Variants in SYBU observed in about 807,000 individuals in gnomAD.
SYBU encodes the protein syntabulin, also known as GOLSYN A protein.
In SYBU, 21 loss-of-function variants were observed where a neutral mutation model predicts 35.9. The ratio of observed to expected loss-of-function variants is 0.58; its 90% CI spans 0.41 to 0.84. The LOEUF is 0.84. Among genes scored for constraint, SYBU ranks in the 40% least tolerant of loss-of-function variants. SYBU has a pLI of 0.00. For missense variants in SYBU, 768 were observed against 848.2 expected (o/e 0.91, Z 1.17); for synonymous variants, 319 against 324.3 (o/e 0.98, Z 0.18).
upstream of SYBU, among the ~76,000 whole-genome samples, chr8:109,682,035 T>C (rs1817410928): frequency 6.6e-6 from 1 of 152,206 alleles, no homozygotes; most frequent in South Asian, 2.1e-4. Flanking sequence ...TCCCAAGCCA[T>C]CCAAAACTGT....
chr8:109,625,104 C>T (rs76235973), intron 2 of SYBU, among the ~76,000 whole-genome samples: 1,624 of 151,600 alleles, frequency 0.011, 26 homozygotes, highest in African/African-American at 0.038. Flanking sequence ...ATGAAAAGGG[C>T]ACTGTGATTA....
At chr8:109,638,880 TA>T (rs143556659) in intron 2 of SYBU, among the ~76,000 whole-genome samples, 89 of 152,000 alleles carry the variant, frequency 5.9e-4, no homozygotes, top group African/African-American at 1.8e-3. Context: ...AAGAAGCGAT[TA>T]AAAAAAACAA....
chr8:109,644,130 G>C, intron 1 of SYBU: 1 of 457,976 alleles, frequency 2.2e-6, no homozygotes, highest in Non-Finnish European at 4.4e-6. Flanking sequence ...TCAGCAATGG[G>C]GAACTTCGGA....
chr8:109,632,204 C>T (rs1165333123), intron 2 of SYBU, among the ~76,000 whole-genome samples: 1 of 152,170 alleles, frequency 6.6e-6, no homozygotes, highest in African/African-American at 2.4e-5. Flanking sequence ...CGCCCGCCAC[C>T]ATGCCTGGTT....
At chr8:109,638,041 C>G (rs1358697535) in intron 2 of SYBU, among the ~76,000 whole-genome samples, 1 of 152,184 alleles carries the variant, frequency 6.6e-6, no homozygotes, top group Non-Finnish European at 1.5e-5. Context: ...GCCTGTGTAT[C>G]TGTGTGTGCA....
chr8:109,687,550 C>T (rs1817548668), intron 1 of SYBU, among the ~76,000 whole-genome samples: 1 of 152,102 alleles, frequency 6.6e-6, no homozygotes, highest in Non-Finnish European at 1.5e-5. Context: ...CTGTAAAACA[C>T]TGATTGATGA....
chr8:109,610,984 A>G (rs994925339), intron 3 of SYBU, among the ~76,000 whole-genome samples: 8 of 152,198 alleles, frequency 5.3e-5, no homozygotes, highest in African/African-American at 1.9e-4. Flanking sequence ...TCTTCAATAA[A>G]TGCTCCTCAA....
At position 109,691,182 on chromosome 8, in the gene SYBU, G is replaced by T. The variant is rs111327423; in HGVS notation, c.-58+151C>A. On this transcript the variant is annotated intron_variant, in intron 1 of 7. Coordinates refer to the SYBU transcript ENST00000422135. The surrounding 1 kb of genome is among the most constrained non-coding windows in gnomAD (Gnocchi z 4.7). ...TTTCCACGACCTTCTTCTGTGCATC[G>T]CCGAGCACCCTGGATACCTCCCGCA... is the stretch of plus-strand genomic sequence containing the variant. 3.6e-4 allele frequency: 203 copies of T among 570,974 alleles called. No individual in the cohort carries two copies. Among genetic ancestry groups the T allele is most frequent in the African/African-American group, 3.5e-3 (178 of 51,114 alleles). 35.4% of individuals were successfully genotyped at this position (570,974 alleles called of 1,614,324 possible).
chr8:109,657,032 C>T (rs372689877), intron 1 of SYBU, among the ~76,000 whole-genome samples: 1 of 152,030 alleles, frequency 6.6e-6, no homozygotes, highest in African/African-American at 2.4e-5. Flanking sequence ...TTTATTAATA[C>T]AGGACAAGAT....
rs762186378 is a variant in SYBU, at chr8:109,575,394, G to A, written c.1504C>T (p.Leu502Phe). Residue 502 changes from leucine (L) to phenylalanine (F), a missense_variant, in exon 7 of 7, where the codon CTC becomes TTC. Leu to Phe is a conservative substitution (Grantham distance 22). Coordinates refer to ENST00000276646, the MANE Select transcript of SYBU (RefSeq NM_001099754.2). Reference protein sequence around the residue: ...VVPYSPAISELIQSVLQKLQD... With the variant: ...VVPYSPAISEFIQSVLQKLQD... ...AGCTTCTGCAGCACACTCTGAATGA[G>A]CTCTGAGATGGCTGGGCTGTAGGGC... is the stretch of plus-strand genomic sequence containing the variant. 2 of 1,614,118 alleles carry A rather than the reference G, an allele frequency of 1.2e-6. No individual in the cohort carries two copies. Among genetic ancestry groups the A allele is most frequent in the Admixed American group, 1.7e-5 (1 of 60,022 alleles).
chr8:109,620,511 C>T (rs573997730), intron 2 of SYBU, among the ~76,000 whole-genome samples: 1 of 152,088 alleles, frequency 6.6e-6, no homozygotes. Flanking sequence ...TTTTCAATTA[C>T]AAAATATCTC....
intron 1 of SYBU, among the ~76,000 whole-genome samples, chr8:109,666,512 G>T (rs1330708642): frequency 2.0e-5 from 3 of 152,150 alleles, no homozygotes; most frequent in African/African-American, 7.2e-5. Context: ...AGGCCAAGGC[G>T]GGAGGATCAC....
chr8:109,691,284 G>GGCCTC lies in SYBU; in HGVS notation c.-58+48_-58+49insGAGGC, dbSNP rs1817638649. 1 of 696,548 alleles carries GGCCTC rather than the reference G, an allele frequency of 1.4e-6. No homozygotes were observed. The highest frequency in any genetic ancestry group is 1.8e-5 in the African/African-American group (1 of 56,384). 43.1% of individuals were successfully genotyped at this position (696,548 alleles called of 1,614,324 possible). A position where few individuals can be genotyped will look rare whatever the true frequency, so the allele number is the denominator to read the frequency against. On this transcript the variant is annotated intron_variant, in intron 1 of 7. Coordinates refer to the SYBU transcript ENST00000422135. This position sits in a 1 kb window ranked among gnomAD's most constrained non-coding sequence, Gnocchi z 4.7. ...ACCGAAGACCATCAGTTGCCCTCCC[G>GGCCTC]TGTCCGCGGGCACTGACAGCAGAGA...
At chr8:109,619,293 A>C (rs1812174312) in intron 2 of SYBU, among the ~76,000 whole-genome samples, 1 of 150,864 alleles carries the variant, frequency 6.6e-6, no homozygotes, top group African/African-American at 2.4e-5. Flanking sequence ...GCGTGATCTC[A>C]GTTCATTGCA....
chr8:109,589,254 A>C (rs547483500), intron 3 of SYBU, among the ~76,000 whole-genome samples: 1 of 150,524 alleles, frequency 6.6e-6, no homozygotes, highest in African/African-American at 2.4e-5. Flanking sequence ...CTCCTAACCC[A>C]TATTAGGTGG....
At position 109,618,871 on chromosome 8, in the gene SYBU, T is replaced by A; in HGVS notation, c.398A>T (p.Lys133Met). Residue 133 changes from lysine to methionine, a missense_variant, in exon 3 of 7, where the codon AAG (lysine) becomes ATG (methionine). Lys to Met is a moderately conservative substitution (Grantham distance 95, BLOSUM62 -1). Transcript: ENST00000276646. ...TTTCACAAGGCCTGACTTTGATTCC[T>A]TCTTATATCGAGAGGACTGAATGCT... ...EGSIQSSRYKKESKSGLVKPG... is the reference protein window; with the variant it reads ...EGSIQSSRYKMESKSGLVKPG... 1 of 1,614,220 alleles carries A rather than the reference T, an allele frequency of 6.2e-7. No individual in the cohort carries two copies. The highest frequency in any genetic ancestry group is 8.5e-7 in the Non-Finnish European group (1 of 1,180,020).
intron 1 of SYBU, among the ~76,000 whole-genome samples, chr8:109,688,291 A>C (rs188826818): frequency 6.6e-6 from 1 of 152,362 alleles, no homozygotes; most frequent in East Asian, 1.9e-4. Context: ...CAGAGATGAT[A>C]AAAATTGTGA....
Position 109,611,958 on chromosome 8 carries a change from A to G in SYBU, c.427+6884T>C, listed in dbSNP as rs1811217578. On this transcript the variant is annotated intron_variant, in intron 3 of 6. Transcript: ENST00000276646. ...AGTAGGAATTTTTAGGGCTCTACCAACATTTTAAAAAATTGTGTTTTATAT... is the reference window on the plus strand; with the variant it reads ...AGTAGGAATTTTTAGGGCTCTACCAGCATTTTAAAAAATTGTGTTTTATAT... 2.0e-5 allele frequency among the ~76,000 whole-genome samples: 3 copies of G among 152,354 alleles called. No homozygotes were observed. In the South Asian group the frequency reaches 6.2e-4, roughly 32 times the overall value.
intron 2 of SYBU, among the ~76,000 whole-genome samples, chr8:109,624,206 A>G (rs1419765924): frequency 3.3e-5 from 5 of 152,206 alleles, no homozygotes; most frequent in Admixed American, 2.6e-4. Context: ...AACACATTAC[A>G]GAGATAGAGA....
Sources: gnomAD v4.1 joint callset for allele counts (sites outside exome capture counted in the v4.1 genomes callset) on GRCh38, gnomAD v4.1.1 for gene constraint, Gnocchi (gnomAD v3.1) non-coding constraint, MANE v1.5 for transcripts, NCBI Gene and HGNC (gene_info 2026-07-23, HGNC 2026-07-21) for gene names.